KIAA0586: variants seen among roughly 807,000 people sequenced by gnomAD.
The protein encoded by KIAA0586 is KIAA0586.
Under a neutral mutation model 169.8 loss-of-function variants are expected in KIAA0586, and 144 were observed. That is an observed-to-expected ratio of 0.85 (90% CI 0.74 to 0.97). KIAA0586 has a LOEUF of 0.97. Among genes scored for constraint, KIAA0586 ranks in the 50% least tolerant of loss-of-function variants. The pLI is 0.00. For missense variants in KIAA0586, 1,854 were observed against 1,823.0 expected (o/e 1.02, Z -0.31); for synonymous variants, 625 against 612.4 (o/e 1.02, Z -0.30).
intron 24 of KIAA0586, among the ~76,000 whole-genome samples, chr14:58,489,104 G>A (rs570693587): frequency 7.9e-5 from 12 of 151,934 alleles, no homozygotes; most frequent in East Asian, 1.9e-4. Context: ...AATGGTTTGG[G>A]GTAGGCCTTT....
In KIAA0586 at chr14:58,492,203, A is replaced by G; in HGVS notation, c.3918A>G (p.Ala1306=). The change falls in exon 26 of 31, where the codon GCA becomes GCG. Residue 1306 remains alanine (A), a synonymous_variant. Coordinates refer to ENST00000652326, the MANE Select transcript of KIAA0586 (RefSeq NM_001329943.3). ...GGATGTCCCATAAAAAATTTCATGC[A>G]GATGCAATTCTTTCTTTTGCTAAAC... ...VIRMSHKKFH[A]DAILSFAKQN... is the part of the protein sequence containing the mutation. 1 of 1,550,222 alleles carries G rather than the reference A, an allele frequency of 6.5e-7. No individual in the cohort carries two copies. Among genetic ancestry groups the G allele is most frequent in the Non-Finnish European group, 8.7e-7 (1 of 1,145,982 alleles).
At position 58,457,815 on chromosome 14, in the gene KIAA0586, G is replaced by A. The variant is rs746617436; in HGVS notation, c.1419G>A (p.Lys473=). ...CAGATCTTCCACAGAATTCTGTTAA[G>A]CTTCAAACAACCAATACAACAAGAT... ...KLPDLPQNSV[K]LQTTNTTRSV... Residue 473 remains lysine, a synonymous_variant, in exon 11 of 31, where the codon AAG becomes AAA. Transcript: ENST00000652326. 1 of 1,608,072 alleles carries A rather than the reference G, an allele frequency of 6.2e-7. No homozygotes were observed. The highest frequency in any genetic ancestry group is 1.1e-5 in the South Asian group (1 of 90,100).
chr14:58,461,128 C>T lies in KIAA0586; in HGVS notation c.2027C>T (p.Pro676Leu). The change falls in exon 14 of 31, where the codon CCA becomes CTA. Residue 676 changes from proline to leucine, a missense_variant. Coordinates refer to ENST00000652326, the MANE Select transcript of KIAA0586 (RefSeq NM_001329943.3). ...RFNSPSPKSR[P>L]QRPKVIERVK... is the part of the protein sequence containing the mutation. ...AATTCTCCATCTCCTAAGTCCAGAC[C>T]ACAGAGACCAAAAGTAATAGAACGA... 6.3e-7 allele frequency: 1 copy of T among 1,597,226 alleles called. No individual in the cohort carries two copies. The highest frequency in any genetic ancestry group is 8.5e-7 in the Non-Finnish European group (1 of 1,173,882).
intron 28 of KIAA0586, among the ~76,000 whole-genome samples, chr14:58,509,744 A>T (rs1749006): frequency 6.6e-6 from 1 of 152,194 alleles, no homozygotes; most frequent in Non-Finnish European, 1.5e-5. Flanking sequence ...AATAACTTCG[A>T]TATAAAAAAA....
intron 29 of KIAA0586, chr14:58,537,201 T>C (rs2140071015): frequency 9.6e-7 from 1 of 1,037,900 alleles, no homozygotes; most frequent in Non-Finnish European, 1.2e-6. Flanking sequence ...AGAATAAAAG[T>C]GGTCAACTCT....
chr14:58,521,804 G>C (rs2045249400), intron 29 of KIAA0586: 1 of 821,558 alleles, frequency 1.2e-6, no homozygotes, highest in Non-Finnish European at 2.2e-6. Context: ...GTTCCATGAA[G>C]AAAGATGAGA....
chr14:58,508,585 A>G lies in KIAA0586; in HGVS notation c.4199A>G (p.His1400Arg), dbSNP rs1263806999. Residue 1400 changes from histidine (H) to arginine (R), a missense_variant, in exon 28 of 31, where the codon CAT becomes CGT. Physicochemically the swap from His to Arg is conservative, Grantham distance 29. Coordinates refer to ENST00000652326, the MANE Select transcript of KIAA0586 (RefSeq NM_001329943.3). ...GSIYEDSCAS[H>R]GPMSLGELEL... ...ATTTATGAAGATTCATGTGCTAGTCATGGTCCAATGAGTTTGGGAGAATTG... is the reference window on the plus strand; with the variant it reads ...ATTTATGAAGATTCATGTGCTAGTCGTGGTCCAATGAGTTTGGGAGAATTG... The G allele has an allele frequency of 6.3e-7, 1 of 1,596,760 alleles. No homozygotes were observed.
chr14:58,561,662 G>A, the KIAA0586 span, among the ~76,000 whole-genome samples: 1 of 152,140 alleles, frequency 6.6e-6, no homozygotes, highest in Non-Finnish European at 1.5e-5. Context: ...GTGAGGTGAG[G>A]CTGAAATGTG....
upstream of KIAA0586, chr14:58,427,442 C>T (rs775179724): frequency 2.9e-6 from 2 of 695,946 alleles, no homozygotes; most frequent in Non-Finnish European, 4.7e-6. Flanking sequence ...GTCAACAGTC[C>T]CTGGTAAACA....
rs764079703 is a variant in KIAA0586 at position 58,482,643 on chromosome 14, A to G, written c.3075A>G (p.Glu1025=). 3 of 1,609,736 alleles carry G rather than the reference A, an allele frequency of 1.9e-6. No homozygotes were observed. In the South Asian group the frequency reaches 3.3e-5, roughly 18 times the overall value. Reference sequence around the variant, plus strand: ...TTGCTGTCATGCTGGGTGACAGAGAAGCAAAGAAGCAAGGTCCTGTTGCTA... The same window carrying G: ...TTGCTGTCATGCTGGGTGACAGAGAGGCAAAGAAGCAAGGTCCTGTTGCTA... ...ETIAVMLGDR[E]AKKQGPVATG... The change falls in exon 21 of 31, where the codon GAA becomes GAG. Residue 1025 remains glutamate (E), a synonymous_variant. Transcript: ENST00000652326.
chr14:58,482,848 C>T, intron 21 of KIAA0586, 136 bp downstream of exon 21: 1 of 629,912 alleles, frequency 1.6e-6, no homozygotes. Flanking sequence ...ATTGCCCTGG[C>T]TGGTCTTGAA....
chr14:58,527,763 T>C (rs1327024475), intron 29 of KIAA0586, among the ~76,000 whole-genome samples: 2 of 152,126 alleles, frequency 1.3e-5, no homozygotes, highest in Non-Finnish European at 2.9e-5. Context: ...TAGCAAATTG[T>C]AAAGACCATT....
intron 27 of KIAA0586, among the ~76,000 whole-genome samples, chr14:58,502,605 C>G (rs2043649010): frequency 6.6e-6 from 1 of 152,126 alleles, no homozygotes; most frequent in Non-Finnish European, 1.5e-5. Context: ...GTAATAGTGT[C>G]TATCTCATTA....
intron 25 of KIAA0586, among the ~76,000 whole-genome samples, chr14:58,490,729 T>TA (rs2042786267): frequency 6.6e-6 from 1 of 152,084 alleles, no homozygotes; most frequent in Non-Finnish European, 1.5e-5. Context: ...AGTTGGTATT[T>TA]AAAAATATCA....
At position 58,461,051 on chromosome 14, in the gene KIAA0586, A is replaced by G. The variant is rs755478354; in HGVS notation, c.1950A>G (p.Pro650=). ...EDYMLQVYGK[P]VYQGHRSTLK... is the part of the protein sequence containing the mutation. ...ATATGTTACAAGTCTATGGAAAGCC[A>G]GTTTATCAGGGCCATCGAAGCACTC... The change falls in exon 14 of 31, where the codon CCA becomes CCG. Residue 650 remains proline (P), a synonymous_variant. Transcript: ENST00000652326. The G allele has an allele frequency of 3.1e-6, 5 of 1,612,584 alleles. No individual in the cohort carries two copies. The East Asian group carries it at 1.1e-4, about 36-fold the overall frequency.
At chr14:58,474,859 T>A in intron 19 of KIAA0586, 62 bp downstream of exon 19, 1 of 1,181,306 alleles carries the variant, frequency 8.5e-7, no homozygotes, top group Non-Finnish European at 1.2e-6. Context: ...TGGAAAGTAT[T>A]AAAATGTGGC....
At chr14:58,432,653 A>G (rs1203279372) in intron 4 of KIAA0586, among the ~76,000 whole-genome samples, 196 bp downstream of exon 4, 1 of 152,218 alleles carries the variant, frequency 6.6e-6, no homozygotes, top group African/African-American at 2.4e-5. Context: ...GTGCTATAGT[A>G]TTAACTCATT....
Position 58,465,991 on chromosome 14 carries a change from CAT to C in KIAA0586, c.2217_2218del (p.Leu740GlyfsTer17). 1 of 1,612,482 alleles carries C rather than the reference CAT, an allele frequency of 6.2e-7. No individual in the cohort carries two copies. Among genetic ancestry groups the C allele is most frequent in the African/African-American group, 1.3e-5 (1 of 74,986 alleles). The stretch of plus-strand genomic sequence containing the variant: ...AGAGAAATGCCTACTTTTTCAGGTA[CAT>C]TGGAAGGTCATCTGATTCCTATGGC... On this transcript the variant is annotated frameshift_variant, in exon 15 of 31. Coordinates refer to ENST00000652326, the MANE Select transcript of KIAA0586 (RefSeq NM_001329943.3). LOFTEE classifies it high-confidence loss of function.
chr14:58,525,377 A>T (rs2139934146), intron 29 of KIAA0586, among the ~76,000 whole-genome samples: 1 of 151,560 alleles, frequency 6.6e-6, no homozygotes, highest in South Asian at 2.1e-4. Flanking sequence ...TCTCATTGGG[A>T]CTGGTTAGAC....
Sources: allele counts gnomAD v4.1 joint callset (sites outside exome capture counted in the v4.1 genomes callset), GRCh38; gene constraint gnomAD v4.1.1; transcripts MANE v1.5; gene names NCBI Gene and HGNC (gene_info 2026-07-23, HGNC 2026-07-21).